COG2: variants seen among roughly 807,000 people sequenced by gnomAD.
COG2 encodes component of oligomeric golgi complex 2, also known as conserved oligomeric Golgi complex subunit 2.
COG2 carries 52 observed loss-of-function variants against 90.6 expected under a neutral mutation model. That is an observed-to-expected ratio of 0.57 (90% CI 0.46 to 0.72). COG2 has a LOEUF of 0.72. Ranked by LOEUF, COG2 falls within the 30% of genes least tolerant of loss-of-function variation. COG2 has a pLI of 0.00. For missense variants in COG2, 829 were observed against 891.2 expected (o/e 0.93, Z 0.89); for synonymous variants, 337 against 320.4 (o/e 1.05, Z -0.55).
intron 4 of COG2, 22 bp from the exon 5 acceptor site, chr1:230,664,462 T>G (rs749923953): frequency 3.7e-6 from 4 of 1,080,536 alleles, no homozygotes; most frequent in African/African-American, 1.6e-5. Context: ...CAATAACTTT[T>G]TTCCTTAATT....
intron 9 of COG2, among the ~76,000 whole-genome samples, chr1:230,676,311 G>A (rs1662592689): frequency 6.6e-6 from 1 of 151,652 alleles, no homozygotes; most frequent in African/African-American, 2.4e-5. Flanking sequence ...GACTTCTGGG[G>A]ATCTGTTTTC....
In COG2 at chr1:230,689,899, G is replaced by A. The variant is rs6697014; in HGVS notation, c.1795-115G>A. 8.1e-3 allele frequency: 8,402 copies of A among 1,037,348 alleles called. 497 individuals are homozygous for A. In the African/African-American group the frequency reaches 0.12, roughly 15 times the overall value. The allele number at this position is 1,037,348 out of a possible 1,614,324, so 64.3% of individuals were successfully genotyped here. On this transcript the variant is annotated intron_variant, in intron 15 of 17. Transcript: ENST00000366669. The stretch of plus-strand genomic sequence containing the variant: ...CTTTTGGGAGGGATGGAAGTTGTCC[G>A]TGTCTCAAAACTAGAACGTTAATAG...
chr1:230,671,917 T>C (rs904069338), intron 8 of COG2, among the ~76,000 whole-genome samples: 2 of 152,232 alleles, frequency 1.3e-5, no homozygotes, highest in Admixed American at 6.5e-5. Flanking sequence ...TTCCTAAATT[T>C]AGTTTGAAGT....
intron 8 of COG2, among the ~76,000 whole-genome samples, chr1:230,673,283 G>A (rs375080623): frequency 9.9e-5 from 15 of 152,136 alleles, no homozygotes; most frequent in African/African-American, 2.9e-4. Context: ...TGTACCTTGC[G>A]AGATCATCAT....
At position 230,642,579 on chromosome 1, in the gene COG2, T is replaced by C; in HGVS notation, c.-28T>C. Reference sequence around the variant, plus strand: ...CCTCCTGCGTTTTCTCGCTTGGATCTTGGCACTGAGAGGCGGTGGCCGGCG... The same window carrying C: ...CCTCCTGCGTTTTCTCGCTTGGATCCTGGCACTGAGAGGCGGTGGCCGGCG... On this transcript the variant is annotated 5_prime_UTR_variant, in exon 1 of 18. Transcript: ENST00000366669. The C allele has an allele frequency of 6.2e-7, 1 of 1,605,168 alleles. No individual in the cohort carries two copies. The highest frequency in any genetic ancestry group is 8.5e-7 in the Non-Finnish European group (1 of 1,175,780).
At chr1:230,680,106 T>G (rs1662703931) in intron 10 of COG2, 1 of 152,212 alleles carries the variant, frequency 6.6e-6, no homozygotes, top group Non-Finnish European at 1.5e-5. Flanking sequence ...TTTGTTCATC[T>G]AAGATATTAA....
At chr1:230,685,407 T>C (rs1662863623) in intron 12 of COG2, among the ~76,000 whole-genome samples, 171 bp downstream of exon 12, 1 of 152,232 alleles carries the variant, frequency 6.6e-6, no homozygotes, top group South Asian at 2.1e-4. Context: ...TCATTTTTAC[T>C]CCTGCGAGCA....
Position 230,642,481 on chromosome 1 carries a change from A to G in COG2, c.-126A>G. On this transcript the variant is annotated 5_prime_UTR_variant, in exon 1 of 18. The change abolishes an upstream ATG in the 5' untranslated region. Transcript: ENST00000366669. The stretch of plus-strand genomic sequence containing the variant: ...CATTGGCCGCGGCGCGGGCGCTGCC[A>G]TGTTGGCGGAAGCGGACCCCCCTGT... 1.2e-6 allele frequency: 1 copy of G among 848,474 alleles called. No homozygotes were observed. The highest frequency in any genetic ancestry group is 1.8e-6 in the Non-Finnish European group (1 of 562,414). The allele number at this position is 848,474 out of a possible 1,614,324, so 52.6% of individuals were successfully genotyped here.
intron 7 of COG2, 79 bp from the exon 8 acceptor site, chr1:230,671,437 C>T (rs1273284681): frequency 1.5e-6 from 2 of 1,343,594 alleles, no homozygotes; most frequent in African/African-American, 1.5e-5. Context: ...GTAAAGTTTT[C>T]TTTATTGTTT....
chr1:230,683,722 G>A (rs758133273), intron 11 of COG2, 87 bp downstream of exon 11: 13 of 772,172 alleles, frequency 1.7e-5, no homozygotes, highest in Non-Finnish European at 2.4e-5. Flanking sequence ...TATTCTGAGC[G>A]TACTTTTACT....
Position 230,693,714 on chromosome 1 carries a change from A to G in COG2, c.*321A>G. 5.2e-6 allele frequency: 1 copy of G among 192,290 alleles called. No homozygotes were observed. Among genetic ancestry groups the G allele is most frequent in the Admixed American group, 6.0e-5 (1 of 16,582 alleles). The allele number at this position is 192,290 out of a possible 1,614,324, so 11.9% of individuals were successfully genotyped here. On this transcript the variant is annotated 3_prime_UTR_variant, in exon 18 of 18. Coordinates refer to ENST00000366669, the MANE Select transcript of COG2 (RefSeq NM_007357.3). ...AAGAGCTGATTTCTAAAATATGATTAAAGTAAATATATACCTATGAATATC... is the reference window on the plus strand; with the variant it reads ...AAGAGCTGATTTCTAAAATATGATTGAAGTAAATATATACCTATGAATATC...
intron 17 of COG2, among the ~76,000 whole-genome samples, chr1:230,692,697 G>T (rs1485466582): frequency 2.0e-5 from 3 of 152,014 alleles, no homozygotes; most frequent in African/African-American, 7.2e-5. Flanking sequence ...TGCTGACAGA[G>T]ACTTGGTGTG....
intron 4 of COG2, among the ~76,000 whole-genome samples, chr1:230,663,852 T>TA (rs1662248636): frequency 6.6e-6 from 1 of 152,132 alleles, no homozygotes; most frequent in African/African-American, 2.4e-5. Context: ...AAAAGGACCT[T>TA]ACGAACATAA....
intron 2 of COG2, 44 bp downstream of exon 2, chr1:230,659,669 T>G: frequency 6.3e-7 from 1 of 1,576,560 alleles, no homozygotes; most frequent in African/African-American, 1.4e-5. Context: ...ATACAATTTC[T>G]TTCTCACTCA....
In COG2 at chr1:230,685,102, C is replaced by T. The variant is rs1368874985; in HGVS notation, c.1246C>T (p.Leu416Phe). Residue 416 changes from leucine (L) to phenylalanine (F), a missense_variant, in exon 12 of 18, where the codon CTT becomes TTT. Transcript: ENST00000366669. ...TTCTCTAGCTGAAAGTCCGTATTGCCTTTTGGCTTCTCATAGAACTTGGAG... is the reference window on the plus strand; with the variant it reads ...TTCTCTAGCTGAAAGTCCGTATTGCTTTTTGGCTTCTCATAGAACTTGGAG... ...EDAPAESPYC[L>F]LASHRTWSSL... The T allele has an allele frequency of 9.3e-6, 15 of 1,613,892 alleles. No individual in the cohort carries two copies. Among genetic ancestry groups the T allele is most frequent in the Non-Finnish European group, 1.3e-5 (15 of 1,180,012 alleles).
intron 8 of COG2, 34 bp from the exon 9 acceptor site, chr1:230,674,964 G>T (rs199656964): frequency 1.5e-5 from 23 of 1,537,736 alleles, no homozygotes; most frequent in Non-Finnish European, 1.8e-5. Flanking sequence ...GTAGATTATG[G>T]TATATTTTAC....
Position 230,642,636 on chromosome 1 carries a change from G to C in COG2, c.30G>C (p.Lys10Asn), listed in dbSNP as rs777749902. 4 of 1,613,380 alleles carry C rather than the reference G, an allele frequency of 2.5e-6. No individual in the cohort carries two copies. The highest frequency in any genetic ancestry group is 3.4e-6 in the Non-Finnish European group (4 of 1,179,732). ...AGAAAAGTAGGATGAACCTGCCCAA[G>C]GGGCCGGACACGCTCTGCTTCGACA... MEKSRMNLP[K>N]GPDTLCFDKD... Residue 10 changes from lysine (K) to asparagine (N), a missense_variant, in exon 1 of 18, where the codon AAG becomes AAC. Lys to Asn is a moderately conservative substitution (Grantham distance 94). Transcript: ENST00000366669.
chr1:230,643,918 TG>T (rs1260659857), intron 1 of COG2, among the ~76,000 whole-genome samples: 1 of 152,136 alleles, frequency 6.6e-6, no homozygotes, highest in African/African-American at 2.4e-5. Context: ...GGGTACATGC[TG>T]GGGAGAGGTG....
Position 230,683,613 on chromosome 1 carries a change from A to C in COG2, c.1206A>C (p.Thr402=). 6.2e-7 allele frequency: 1 copy of C among 1,612,532 alleles called. No homozygotes were observed. Among genetic ancestry groups the C allele is most frequent in the Non-Finnish European group, 8.5e-7 (1 of 1,178,684 alleles). The change falls in exon 11 of 18, where the codon ACA becomes ACC. Residue 402 remains threonine, a synonymous_variant. Transcript: ENST00000366669. ...EIAGSLEAAL[T]DVLEDAPAES... is the part of the protein sequence containing the mutation. ...CGGGATCCTTAGAAGCAGCACTTAC[A>C]GATGTCCTGGAAGATGCCCCAGGTA...
Sources: gnomAD v4.1 joint callset for allele counts (sites outside exome capture counted in the v4.1 genomes callset) on GRCh38, gnomAD v4.1.1 for gene constraint, MANE v1.5 for transcripts, NCBI Gene and HGNC (gene_info 2026-07-23, HGNC 2026-07-21) for gene names.